CACNG4: variants seen among roughly 807,000 people sequenced by gnomAD.
The protein encoded by CACNG4 is calcium voltage-gated channel auxiliary subunit gamma 4.
In CACNG4, 8 loss-of-function variants were observed where a neutral mutation model predicts 22.9. The ratio of observed to expected loss-of-function variants is 0.35; its 90% CI spans 0.21 to 0.63. CACNG4 has a LOEUF of 0.63. Ranked by LOEUF, CACNG4 falls within the 30% of genes least tolerant of loss-of-function variation. CACNG4 has a pLI of 0.72. For synonymous variants in CACNG4, 188 were observed against 191.9 expected (o/e 0.98, Z 0.17); for missense variants, 357 against 455.4 (o/e 0.78, Z 1.97).
In CACNG4 at chr17:67,031,126, C is replaced by A; in HGVS notation, c.*122C>A. ...TAAAGCCAAATGCAGCCCTCCCTGG[C>A]CTCCAGAGGTGGCGTGGGCTGGCTT... On this transcript the variant is annotated 3_prime_UTR_variant, in exon 4 of 4. Coordinates refer to ENST00000262138, the MANE Select transcript of CACNG4 (RefSeq NM_014405.4). This position sits in a 1 kb window ranked among gnomAD's most constrained non-coding sequence, Gnocchi z 4.0. The A allele has an allele frequency of 8.9e-7, 1 of 1,118,568 alleles. No homozygotes were observed. Among genetic ancestry groups the A allele is most frequent in the Non-Finnish European group, 1.3e-6 (1 of 785,070 alleles). 69.3% of individuals were successfully genotyped at this position (1,118,568 alleles called of 1,614,324 possible).
intron 1 of CACNG4, among the ~76,000 whole-genome samples, chr17:66,981,194 G>T (rs987750578): frequency 3.3e-5 from 5 of 152,130 alleles, no homozygotes; most frequent in African/African-American, 1.2e-4. Context: ...AAGAGTTTCA[G>T]TTAAGGCAGA....
At chr17:67,018,031 G>A (rs536369591) in intron 1 of CACNG4, among the ~76,000 whole-genome samples, 158 bp from the exon 2 acceptor site, 113 of 152,136 alleles carry the variant, frequency 7.4e-4, no homozygotes, top group African/African-American at 2.4e-3. Context: ...TGTCTCTCCC[G>A]TGCCCCCACC....
intron 1 of CACNG4, among the ~76,000 whole-genome samples, chr17:66,966,518 A>G (rs1036663991): frequency 6.6e-6 from 1 of 151,296 alleles, no homozygotes; most frequent in Non-Finnish European, 1.5e-5. Flanking sequence ...AGCTCTTAAA[A>G]CCATAGCCCT....
chr17:66,971,292 G>A (rs572019870), intron 1 of CACNG4, among the ~76,000 whole-genome samples: 7 of 152,268 alleles, frequency 4.6e-5, no homozygotes, highest in Admixed American at 6.5e-5. Context: ...GCCTTGAGGA[G>A]GGGTTTCCAG....
chr17:66,991,558 G>T (rs2035340683), intron 1 of CACNG4, among the ~76,000 whole-genome samples: 1 of 152,130 alleles, frequency 6.6e-6, no homozygotes, highest in East Asian at 1.9e-4. Flanking sequence ...CTCCTGTTGG[G>T]TATTCAGTAG....
rs372305572 is a variant in CACNG4 at position 67,031,001 on chromosome 17, G to A, written c.981G>A (p.Val327=). ...TGCTGAACCGACGGACGACCCCTGT[G>A]TGAGCCGCCTGCCCTTTCTCTCCGC... is the stretch of plus-strand genomic sequence containing the variant. ...VSMLNRRTTP[V] Residue 327 remains valine, a synonymous_variant, in exon 4 of 4, where the codon GTG becomes GTA. Coordinates refer to ENST00000262138, the MANE Select transcript of CACNG4 (RefSeq NM_014405.4). This position sits in a 1 kb window ranked among gnomAD's most constrained non-coding sequence, Gnocchi z 4.0. 5.1e-5 allele frequency: 82 copies of A among 1,608,006 alleles called. No homozygotes were observed. Among genetic ancestry groups the A allele is most frequent in the Non-Finnish European group, 6.8e-5 (80 of 1,175,966 alleles).
intron 1 of CACNG4, among the ~76,000 whole-genome samples, chr17:66,998,709 G>C (rs1446549014): frequency 6.6e-6 from 1 of 152,162 alleles, no homozygotes; most frequent in Non-Finnish European, 1.5e-5. Flanking sequence ...CACGCTCTGG[G>C]GCTGCCCATT....
Position 67,009,277 on chromosome 17 carries a change from C to T in CACNG4, c.221-8912C>T, listed in dbSNP as rs569738453. On this transcript the variant is annotated intron_variant, in intron 1 of 3. Transcript: ENST00000262138. Reference sequence around the variant, plus strand: ...TGGAACCCCCCAGTGTATGATACTTCGTTAAAGTAACCCCAGAAAACTAAT... The same window carrying T: ...TGGAACCCCCCAGTGTATGATACTTTGTTAAAGTAACCCCAGAAAACTAAT... Among the ~76,000 whole-genome samples, 17 of 152,266 alleles carry T rather than the reference C, an allele frequency of 1.1e-4. No individual in the cohort carries two copies. In the South Asian group the frequency reaches 1.2e-3, roughly 11 times the overall value.
chr17:66,987,849 C>T (rs905111400), intron 1 of CACNG4, among the ~76,000 whole-genome samples: 7 of 151,934 alleles, frequency 4.6e-5, no homozygotes, highest in African/African-American at 1.7e-4. Flanking sequence ...GATAAAGAAG[C>T]GATCTCAGCG....
At chr17:67,007,224 A>G (rs1274083952) in intron 1 of CACNG4, among the ~76,000 whole-genome samples, 1 of 152,216 alleles carries the variant, frequency 6.6e-6, no homozygotes, top group Non-Finnish European at 1.5e-5. Flanking sequence ...AGGGACCACA[A>G]GGCACCTCAA....
intron 1 of CACNG4, among the ~76,000 whole-genome samples, chr17:67,014,218 AATGGCCC>A (rs1167772347): frequency 6.6e-6 from 1 of 152,200 alleles, no homozygotes; most frequent in East Asian, 1.9e-4. Context: ...TAGCACAGCA[AATGGCCC>A]ATGTATGGAG....
At chr17:66,997,365 G>A (rs181228783) in intron 1 of CACNG4, among the ~76,000 whole-genome samples, 41 of 152,252 alleles carry the variant, frequency 2.7e-4, no homozygotes, top group Admixed American at 2.0e-3. Context: ...CCAGAGGGTG[G>A]GAGCAAGAAG....
chr17:67,018,047 G>A, intron 1 of CACNG4, 142 bp from the exon 2 acceptor site: 1 of 651,670 alleles, frequency 1.5e-6, no homozygotes, highest in Non-Finnish European at 2.7e-6. Flanking sequence ...CCACCAGACT[G>A]GAACGCTGGA....
chr17:67,031,634 C>T lies in CACNG4; in HGVS notation c.*630C>T, dbSNP rs766353062. ...CTTTGCGCTGTCCCGGGGCCAGCTT[C>T]CCTCGACCTGGGGAGGCCGTGGCCT... On this transcript the variant is annotated 3_prime_UTR_variant, in exon 4 of 4. Transcript: ENST00000262138. The surrounding 1 kb of genome is among the most constrained non-coding windows in gnomAD (Gnocchi z 4.0). 11 of 456,680 alleles carry T rather than the reference C, an allele frequency of 2.4e-5. No individual in the cohort carries two copies. The highest frequency in any genetic ancestry group is 6.0e-5 in the African/African-American group (3 of 50,084). 28.3% of individuals were successfully genotyped at this position (456,680 alleles called of 1,614,324 possible). A position where few individuals can be genotyped will look rare whatever the true frequency, so the allele number is the denominator to read the frequency against.
chr17:66,985,282 A>G (rs1489116677), intron 1 of CACNG4, among the ~76,000 whole-genome samples: 1 of 152,220 alleles, frequency 6.6e-6, no homozygotes. Context: ...TCATTCATTC[A>G]TTCATTCAGC....
intron 1 of CACNG4, among the ~76,000 whole-genome samples, chr17:66,982,128 A>C (rs1294784127): frequency 6.6e-6 from 1 of 152,224 alleles, no homozygotes; most frequent in Non-Finnish European, 1.5e-5. Context: ...AGTGAGCAGC[A>C]GCTAGATTTA....
chr17:67,014,874 T>C (rs1567757656), intron 1 of CACNG4, among the ~76,000 whole-genome samples: 1 of 150,596 alleles, frequency 6.6e-6, no homozygotes, highest in Admixed American at 6.6e-5. Flanking sequence ...GAAGCAGAGG[T>C]TGCAGTGAGC....
In CACNG4 at chr17:67,021,385, G is replaced by A. The variant is rs78768990; in HGVS notation, c.304+3113G>A. ...GCCTGTTTCAGGCCAGCTCATCTGC[G>A]TGGGCGTGGAGCACCAACCCTGGTA... On this transcript the variant is annotated intron_variant, in intron 2 of 3. Transcript: ENST00000262138. 3.0e-3 allele frequency among the ~76,000 whole-genome samples: 464 copies of A among 152,336 alleles called. 8 individuals are homozygous for A. Among genetic ancestry groups the A allele is most frequent in the African/African-American group, 0.011 (446 of 41,574 alleles).
intron 1 of CACNG4, 42 bp downstream of exon 1, chr17:66,965,173 C>CACAG (rs1567747398): frequency 2.8e-5 from 32 of 1,122,966 alleles, no homozygotes; most frequent in Middle Eastern, 2.7e-4. Context: ...CACACACACA[C>CACAG]ACACACACAC....
Sources: allele counts gnomAD v4.1 joint callset (sites outside exome capture counted in the v4.1 genomes callset), GRCh38; gene constraint gnomAD v4.1.1; non-coding constraint Gnocchi (gnomAD v3.1); transcripts MANE v1.5; gene names NCBI Gene and HGNC (gene_info 2026-07-23, HGNC 2026-07-21).